Variants in OLFML2B observed in about 807,000 individuals in gnomAD.
OLFML2B encodes olfactomedin like 2B.
OLFML2B carries 57 observed loss-of-function variants against 74.9 expected under a neutral mutation model. That is an observed-to-expected ratio of 0.76 (90% confidence interval 0.61 to 0.95). The LOEUF is 0.95. OLFML2B is among the 40% of genes least tolerant of loss of function. The pLI, the probability that OLFML2B is intolerant of heterozygous loss-of-function variation, is 0.00. For synonymous variants in OLFML2B, 388 were observed against 405.8 expected, an observed-to-expected ratio of 0.96 and a Z score of 0.53; for missense variants, 986 against 970.6, an observed-to-expected ratio of 1.02 and a Z score of -0.21.
intron 2 of OLFML2B, among the ~76,000 whole-genome samples, chr1:162,018,926 T>A (rs1283234502): frequency 6.6e-6 from 1 of 152,250 alleles, no homozygotes; most frequent in Non-Finnish European, 1.5e-5. Flanking sequence ...TGATTTCTAA[T>A]AGACATTTTG....
chr1:162,006,349 T>G lies in OLFML2B; in HGVS notation c.671A>C (p.Asp224Ala). The change falls in exon 4 of 8, where the codon GAC (aspartate) becomes GCC (alanine). Residue 224 changes from aspartate (D) to alanine (A), a missense_variant. By Grantham distance (126) the Asp-to-Ala change is moderately radical (BLOSUM62 -2). Coordinates refer to ENST00000294794, the MANE Select transcript of OLFML2B (RefSeq NM_015441.3). ...ATCCCTCTGCAGGGCTGAGCGGATG[T>G]CTGGCATGCTATCTAGGATGTTTTC... is the stretch of plus-strand genomic sequence containing the variant. ...CSENILDSMPDIRSALQRDAA... is the reference protein window; with the variant it reads ...CSENILDSMPAIRSALQRDAA... 3.7e-6 allele frequency: 6 copies of G among 1,612,342 alleles called. No homozygotes were observed. Among genetic ancestry groups the G allele is most frequent in the Non-Finnish European group, 5.1e-6 (6 of 1,179,432 alleles).
intron 3 of OLFML2B, among the ~76,000 whole-genome samples, chr1:162,007,226 G>A (rs1344844073): frequency 3.9e-5 from 6 of 152,198 alleles, no homozygotes; most frequent in African/African-American, 7.2e-5. Context: ...TATCCTTGGG[G>A]TTCTGGATCT....
chr1:161,990,407 A>G (rs935828536), intron 6 of OLFML2B, among the ~76,000 whole-genome samples: 1 of 152,270 alleles, frequency 6.6e-6, no homozygotes, highest in Non-Finnish European at 1.5e-5. Flanking sequence ...AATAAAGCGA[A>G]TATCATAATA....
At chr1:161,988,785 T>A (rs1261309693) in intron 6 of OLFML2B, among the ~76,000 whole-genome samples, 1 of 152,108 alleles carries the variant, frequency 6.6e-6, no homozygotes, top group African/African-American at 2.4e-5. Context: ...AGGTCCTGAT[T>A]CTGAGCACCG....
At chr1:161,994,764 T>C (rs1005170095) in intron 6 of OLFML2B, among the ~76,000 whole-genome samples, 2 of 147,260 alleles carry the variant, frequency 1.4e-5, no homozygotes, top group Admixed American at 6.9e-5. Flanking sequence ...CAGCCAAAAA[T>C]GAATTCTAAT....
Position 162,023,485 on chromosome 1 carries a change from G to A in OLFML2B, c.-55C>T, listed in dbSNP as rs1234569685. The A allele has an allele frequency of 6.5e-6, 9 of 1,375,662 alleles. No individual in the cohort carries two copies. Among genetic ancestry groups the A allele is most frequent in the African/African-American group, 1.5e-5 (1 of 67,388 alleles). The allele number at this position is 1,375,662 out of a possible 1,614,324, so 85.2% of individuals were successfully genotyped here. ...CTTCAGAGAATGGCTGGGGCGGGGG[G>A]TCTCGGCAAGGACTTCTGCGAGAGG... On this transcript the variant is annotated 5_prime_UTR_variant, in exon 1 of 8. Coordinates refer to ENST00000294794, the MANE Select transcript of OLFML2B (RefSeq NM_015441.3).
rs1689637287 is a variant in OLFML2B, at chr1:161,987,954, C to T, written c.1475-2974G>A. ...ATCAGTAAACCATGAGACCCAGACG[C>T]ATCACTGTGCTCTGAGAATCTGGGG... is the stretch of plus-strand genomic sequence containing the variant. On this transcript the variant is annotated intron_variant, in intron 6 of 7. Coordinates refer to ENST00000294794, the MANE Select transcript of OLFML2B (RefSeq NM_015441.3). Among the ~76,000 whole-genome samples, 3 of 152,182 alleles carry T rather than the reference C, an allele frequency of 2.0e-5. No homozygotes were observed. In the South Asian group the frequency reaches 6.2e-4, roughly 32 times the overall value.
chr1:162,017,623 G>C, intron 2 of OLFML2B, 116 bp from the exon 3 acceptor site: 1 of 688,712 alleles, frequency 1.5e-6, no homozygotes, highest in East Asian at 2.7e-5. Flanking sequence ...CAGGAATTGA[G>C]AGGTTGCCGT....
intron 3 of OLFML2B, among the ~76,000 whole-genome samples, chr1:162,013,323 T>C (rs1690445939): frequency 6.6e-6 from 1 of 152,120 alleles, no homozygotes; most frequent in Non-Finnish European, 1.5e-5. Context: ...ACCTTGAGTG[T>C]TTCTTATTCC....
At chr1:162,023,105 A>T in intron 1 of OLFML2B, 152 bp downstream of exon 1, 1 of 685,266 alleles carries the variant, frequency 1.5e-6, no homozygotes, top group Non-Finnish European at 2.2e-6. Flanking sequence ...TCCTTCCATT[A>T]AGAAAATATT....
chr1:162,020,290 C>T, intron 1 of OLFML2B, 108 bp from the exon 2 acceptor site: 1 of 1,317,224 alleles, frequency 7.6e-7, no homozygotes, highest in Non-Finnish European at 1.0e-6. Context: ...AGTCAGAGAC[C>T]TCAGAAAACT....
At chr1:162,008,392 C>T (rs1690290978) in intron 3 of OLFML2B, among the ~76,000 whole-genome samples, 1 of 152,112 alleles carries the variant, frequency 6.6e-6, no homozygotes, top group Admixed American at 6.5e-5. Context: ...AAGGTCACTA[C>T]AAAAAAGTGG....
chr1:161,993,965 A>C (rs1689816523), intron 6 of OLFML2B, among the ~76,000 whole-genome samples: 1 of 152,226 alleles, frequency 6.6e-6, no homozygotes, highest in Non-Finnish European at 1.5e-5. Context: ...TGGTAGATGA[A>C]TTATTAATAC....
Position 161,984,191 on chromosome 1 carries a change from G to A in OLFML2B, c.1737C>T (p.Arg579=), listed in dbSNP as rs142854687. The A allele has an allele frequency of 2.4e-5, 39 of 1,595,946 alleles. No homozygotes were observed. The Admixed American group carries it at 3.6e-4, about 15-fold the overall frequency. ...ACTTGATGATGTTGCGGGTGAAGGC[G>A]CGATTGTAGTAGAAGGCGCCATTGT... ...VVYNGAFYYN[R]AFTRNIIKYD... The change falls in exon 8 of 8, where the codon CGC becomes CGT. Residue 579 remains arginine (R), a synonymous_variant. Coordinates refer to ENST00000294794, the MANE Select transcript of OLFML2B (RefSeq NM_015441.3).
rs567477395 is a variant in OLFML2B, at chr1:162,023,490, G to A, written c.-60C>T. The A allele has an allele frequency of 4.3e-6, 6 of 1,388,196 alleles. No homozygotes were observed. In the South Asian group the frequency reaches 1.0e-4, roughly 24 times the overall value. 86.0% of individuals were successfully genotyped at this position (1,388,196 alleles called of 1,614,324 possible). A position where few individuals can be genotyped will look rare whatever the true frequency, so the allele number is the denominator to read the frequency against. ...GAGAATGGCTGGGGCGGGGGGTCTC[G>A]GCAAGGACTTCTGCGAGAGGGTGTC... On this transcript the variant is annotated 5_prime_UTR_variant, in exon 1 of 8. Transcript: ENST00000294794.
At chr1:162,013,523 G>A (rs1382432324) in intron 3 of OLFML2B, among the ~76,000 whole-genome samples, 1 of 152,154 alleles carries the variant, frequency 6.6e-6, no homozygotes, top group Non-Finnish European at 1.5e-5. Context: ...TTTATACCCT[G>A]CTGGAGGCAA....
At position 162,006,516 on chromosome 1, in the gene OLFML2B, A is replaced by G. The variant is rs143019752; in HGVS notation, c.547-43T>C. 2.7e-4 allele frequency: 408 copies of G among 1,485,144 alleles called. No individual in the cohort carries two copies. The African/African-American group carries it at 5.0e-3, about 18-fold the overall frequency. The allele number at this position is 1,485,144 out of a possible 1,614,324, so 92.0% of individuals were successfully genotyped here. The stretch of plus-strand genomic sequence containing the variant: ...AAGATGATCCATTAAAGCACCCTGA[A>G]GACAAGCAGGAGGCAGCTAGCAGCC... On this transcript the variant is annotated intron_variant, in intron 3 of 7. Coordinates refer to ENST00000294794, the MANE Select transcript of OLFML2B (RefSeq NM_015441.3).
chr1:162,002,622 T>C (rs889589555), intron 4 of OLFML2B, among the ~76,000 whole-genome samples: 1 of 152,218 alleles, frequency 6.6e-6, no homozygotes, highest in African/African-American at 2.4e-5. Context: ...GCCTGTTTTC[T>C]CATGACAAGA....
In OLFML2B at chr1:162,006,488, A is replaced by AG. The variant is rs1411434938; in HGVS notation, c.547-16_547-15insC. 3 of 1,556,610 alleles carry AG rather than the reference A, an allele frequency of 1.9e-6. No individual in the cohort carries two copies. Among genetic ancestry groups the AG allele is most frequent in the East Asian group, 2.2e-5 (1 of 44,458 alleles). On this transcript the variant is annotated splice_polypyrimidine_tract_variant and intron_variant, in intron 3 of 7. Coordinates refer to ENST00000294794, the MANE Select transcript of OLFML2B (RefSeq NM_015441.3). ...TTAGACACTTCCTGAGAAGGAAAAA[A>AG]AAAAGATGATCCATTAAAGCACCCT...
Sources: allele counts gnomAD v4.1 joint callset (sites outside exome capture counted in the v4.1 genomes callset), GRCh38; gene constraint gnomAD v4.1.1; transcripts MANE v1.5; gene names NCBI Gene and HGNC (gene_info 2026-07-23, HGNC 2026-07-21).